The following ANKHD1 variants were observed in gnomAD, a reference collection of about 807,000 sequenced individuals.
The protein encoded by ANKHD1 is ankyrin repeat and KH domain-containing protein 1.
In ANKHD1, 31 loss-of-function variants were observed where a neutral mutation model predicts 230.5. The ratio of observed to expected loss-of-function variants is 0.13; its 90% confidence interval spans 0.10 to 0.18. The LOEUF is 0.18. Ranked by LOEUF, ANKHD1 falls within the 10% of genes least tolerant of loss-of-function variation. The pLI is 1.00. For missense variants in ANKHD1, 2,256 were observed against 3,071.3 expected, an observed-to-expected ratio of 0.73 and a Z score of 6.27; for synonymous variants, 1,074 against 1,117.6, an observed-to-expected ratio of 0.96 and a Z score of 0.78.
rs905586631 is a variant in ANKHD1, at chr5:140,402,216, G to A, written c.249G>A (p.Val83=). The change falls in exon 1 of 34, where the codon GTG becomes GTA. Residue 83 remains valine, a synonymous_variant. Coordinates refer to ENST00000360839, the MANE Select transcript of ANKHD1 (RefSeq NM_017747.3). ...AALDFKLAAA[V]LRTGGGGGAS... The stretch of plus-strand genomic sequence containing the variant: ...TGGATTTCAAGTTGGCGGCTGCCGT[G>A]CTGAGGACCGGGGGTGGAGGTGGTG... The A allele has an allele frequency of 6.6e-7, 1 of 1,523,646 alleles. No individual in the cohort carries two copies. Among genetic ancestry groups the A allele is most frequent in the Non-Finnish European group, 8.8e-7 (1 of 1,140,118 alleles). 94.4% of individuals were successfully genotyped at this position (1,523,646 alleles called of 1,614,324 possible).
chr5:140,523,312 T>C (rs1753445015), intron 24 of ANKHD1, among the ~76,000 whole-genome samples: 1 of 151,782 alleles, frequency 6.6e-6, no homozygotes, highest in Non-Finnish European at 1.5e-5. Flanking sequence ...CTTGCTATAT[T>C]GCCCAGGCTA....
intron 1 of ANKHD1, among the ~76,000 whole-genome samples, chr5:140,421,076 C>CT (rs1250517858): frequency 6.6e-6 from 1 of 152,008 alleles, no homozygotes; most frequent in Non-Finnish European, 1.5e-5. Context: ...GTTTGTTTTC[C>CT]TTTTTTTAAC....
intron 22 of ANKHD1, among the ~76,000 whole-genome samples, chr5:140,512,130 G>A (rs932371469): frequency 5.9e-5 from 9 of 151,926 alleles, no homozygotes; most frequent in Non-Finnish European, 8.8e-5. Context: ...CAGCTACTCC[G>A]GAGGCTGAGG....
At chr5:140,462,171 T>C (rs111962601) in intron 9 of ANKHD1, among the ~76,000 whole-genome samples, 2,460 of 150,660 alleles carry the variant, frequency 0.016, 73 homozygotes, top group African/African-American at 0.056. Flanking sequence ...GTTTGATTCT[T>C]TTTTTTTTGT....
intron 10 of ANKHD1, among the ~76,000 whole-genome samples, chr5:140,465,786 TC>T (rs1207879252): frequency 2.0e-5 from 3 of 152,172 alleles, no homozygotes; most frequent in Non-Finnish European, 4.4e-5. Context: ...ATTAGGACCT[TC>T]CCTATCAGTT....
At chr5:140,530,457 C>T (rs927469074) in intron 29 of ANKHD1, among the ~76,000 whole-genome samples, 2 of 152,170 alleles carry the variant, frequency 1.3e-5, no homozygotes, top group South Asian at 2.1e-4. Flanking sequence ...AGGCAATATC[C>T]GCCTGCCTTG....
chr5:140,528,001 G>A lies in ANKHD1; in HGVS notation c.5216G>A (p.Gly1739Asp). ...IDVDKQKDKN[G>D]ERMITIRGGT... ...GTGGATAAACAAAAAGATAAGAATGGCGAGAGAATGATCACAATAAGGTAA... is the reference window on the plus strand; with the variant it reads ...GTGGATAAACAAAAAGATAAGAATGACGAGAGAATGATCACAATAAGGTAA... The change falls in exon 28 of 34, where the codon GGC (glycine) becomes GAC (aspartate). Residue 1739 changes from glycine (G) to aspartate (D), a missense_variant. Physicochemically the swap from Gly to Asp is moderately conservative, Grantham distance 94. Coordinates refer to ENST00000360839, the MANE Select transcript of ANKHD1 (RefSeq NM_017747.3). The A allele has an allele frequency of 6.2e-7, 1 of 1,613,682 alleles. No homozygotes were observed.
At chr5:140,523,234 G>A (rs926140714) in intron 24 of ANKHD1, among the ~76,000 whole-genome samples, 8 of 148,864 alleles carry the variant, frequency 5.4e-5, no homozygotes, top group African/African-American at 2.0e-4. Flanking sequence ...TGCCTCCCAA[G>A]TAACTGGGAC....
chr5:140,492,234 G>A (rs1420313988), intron 14 of ANKHD1, among the ~76,000 whole-genome samples: 2 of 151,968 alleles, frequency 1.3e-5, no homozygotes, highest in African/African-American at 2.4e-5. Flanking sequence ...ATTCTTATAT[G>A]GATTTACACA....
chr5:140,402,119 G>A lies in ANKHD1; in HGVS notation c.152G>A (p.Gly51Glu). The change falls in exon 1 of 34, where the codon GGG becomes GAG. Residue 51 changes from glycine (G) to glutamate (E), a missense_variant. Gly to Glu is a moderately conservative substitution (Grantham distance 98). Around this residue, in one of 13 missense-constraint regions of ANKHD1, gnomAD observed 193 missense variants for 185.8 expected, o/e 1.04. Coordinates refer to ENST00000360839, the MANE Select transcript of ANKHD1 (RefSeq NM_017747.3). ...ACCGTGAGGCTCTTTGGGGAGGCCG[G>A]GCCAGCGTCGGGAGTCGGCAGCAGC... ...IRTVRLFGEA[G>E]PASGVGSSGG... 1 of 1,540,958 alleles carries A rather than the reference G, an allele frequency of 6.5e-7. No individual in the cohort carries two copies. The highest frequency in any genetic ancestry group is 8.7e-7 in the Non-Finnish European group (1 of 1,147,736).
intron 9 of ANKHD1, among the ~76,000 whole-genome samples, chr5:140,462,457 C>G (rs1056074151): frequency 2.6e-5 from 4 of 151,936 alleles, no homozygotes; most frequent in African/African-American, 9.7e-5. Flanking sequence ...AAAGGCCAGG[C>G]GTGGTGGCTG....
At chr5:140,535,210 T>C in intron 29 of ANKHD1, 152 bp from the exon 30 acceptor site, 1 of 1,244,456 alleles carries the variant, frequency 8.0e-7, no homozygotes, top group Non-Finnish European at 1.1e-6. Flanking sequence ...GATGGATTGT[T>C]TTTGCTGTGG....
At chr5:140,531,990 T>C (rs913141355) in intron 29 of ANKHD1, among the ~76,000 whole-genome samples, 1 of 152,070 alleles carries the variant, frequency 6.6e-6, no homozygotes. Flanking sequence ...GGTTGGATCA[T>C]GAGATCAGAA....
At chr5:140,532,692 A>G (rs576234423) in intron 29 of ANKHD1, among the ~76,000 whole-genome samples, 5 of 152,256 alleles carry the variant, frequency 3.3e-5, no homozygotes, top group Non-Finnish European at 5.9e-5. Context: ...GCTACTGAAT[A>G]GTATAACTTT....
At chr5:140,409,625 T>A (rs1429293629) in intron 1 of ANKHD1, among the ~76,000 whole-genome samples, 1 of 151,426 alleles carries the variant, frequency 6.6e-6, no homozygotes, top group Non-Finnish European at 1.5e-5. Flanking sequence ...GGATCTCGGC[T>A]CACTGCAGCC....
At chr5:140,500,639 ACT>A (rs1404972973) in intron 15 of ANKHD1, among the ~76,000 whole-genome samples, 4 of 115,802 alleles carry the variant, frequency 3.5e-5, no homozygotes, top group African/African-American at 6.6e-5. Flanking sequence ...ACAGAGCGAG[ACT>A]CTGTCTCAAA....
chr5:140,490,754 C>T (rs1751736001), intron 14 of ANKHD1, among the ~76,000 whole-genome samples: 1 of 152,082 alleles, frequency 6.6e-6, no homozygotes, highest in East Asian at 1.9e-4. Flanking sequence ...AAACAAAACA[C>T]ATCTTTTGTG....
At chr5:140,466,826 A>G (rs1776126519) in intron 10 of ANKHD1, among the ~76,000 whole-genome samples, 1 of 151,946 alleles carries the variant, frequency 6.6e-6, no homozygotes, top group South Asian at 2.1e-4. Flanking sequence ...GGGCCCCTGT[A>G]ATCCCAGATA....
intron 9 of ANKHD1, 109 bp downstream of exon 9, chr5:140,459,464 C>G: frequency 7.5e-7 from 1 of 1,331,758 alleles, no homozygotes; most frequent in South Asian, 2.2e-5. Flanking sequence ...ATGGTGGTTA[C>G]CAGAGTGTGG....
Sources: gnomAD v4.1 joint callset for allele counts (sites outside exome capture counted in the v4.1 genomes callset) on GRCh38, gnomAD v4.1.1 for gene constraint, gnomAD v4.1.1 regional missense constraint, MANE v1.5 for transcripts, NCBI Gene and HGNC (gene_info 2026-07-23, HGNC 2026-07-21) for gene names.